Variants in LRPAP1 observed in about 807,000 individuals in gnomAD.
The protein encoded by LRPAP1 is LDL receptor related protein associated protein 1, also known as alpha-2-macroglobulin receptor-associated protein.
In LRPAP1, 41 loss-of-function variants were observed where a neutral mutation model predicts 39.9. That is an observed-to-expected ratio of 1.03 (90% CI 0.80 to 1.33). The LOEUF (loss-of-function observed/expected upper bound fraction) is 1.33. Ranked by LOEUF, LRPAP1 falls within the 40% of genes most tolerant of loss-of-function variation. The pLI is 0.00. For missense variants in LRPAP1, 565 were observed against 482.3 expected, an observed-to-expected ratio of 1.17 and a Z score of -1.61; for synonymous variants, 263 against 212.7, an observed-to-expected ratio of 1.24 and a Z score of -2.06.
chr4:3,523,710 C>CT (rs1188413765), intron 2 of LRPAP1, among the ~76,000 whole-genome samples: 2 of 152,168 alleles, frequency 1.3e-5, no homozygotes, highest in East Asian at 3.8e-4. Context: ...CACCTCCTCT[C>CT]TTTACCAGAG....
At chr4:3,532,079 A>G (rs1262453304) in intron 1 of LRPAP1, 130 bp downstream of exon 1, 6 of 1,038,504 alleles carry the variant, frequency 5.8e-6, no homozygotes, top group African/African-American at 1.6e-5. Flanking sequence ...TGTGCCAAGG[A>G]CAGGGCGCGT....
chr4:3,509,004 C>G lies in LRPAP1; in HGVS notation c.*3970G>C, dbSNP rs1729434795. ...CGAGTCCACAGAAACACCGCCATGG[C>G]CAAGGCGGGAGTTTAGGGCACAGGA... is the stretch of plus-strand genomic sequence containing the variant. On this transcript the variant is annotated 3_prime_UTR_variant, in exon 8 of 8. Transcript: ENST00000650182. 1 of 152,352 alleles carries G rather than the reference C, an allele frequency of 6.6e-6. No homozygotes were observed. Among genetic ancestry groups the G allele is most frequent in the Non-Finnish European group, 1.5e-5 (1 of 68,046 alleles). 9.4% of individuals were successfully genotyped at this position (152,352 alleles called of 1,614,324 possible). A position where few individuals can be genotyped will look rare whatever the true frequency, so the allele number is the denominator to read the frequency against.
chr4:3,532,296 C>T lies in LRPAP1; in HGVS notation c.117G>A (p.Lys39=), dbSNP rs1157036667. 24 of 1,569,878 alleles carry T rather than the reference C, an allele frequency of 1.5e-5. No homozygotes were observed. Among genetic ancestry groups the T allele is most frequent in the Middle Eastern group, 1.7e-4 (1 of 6,006 alleles). ...ASHGGKYSRE[K]NQPKPSPKRE... ...GTTTCGGGGACGGCTTGGGCTGGTT[C>T]TTCTCCCGCGAGTACTTGCCGCCGT... Residue 39 remains lysine (K), a synonymous_variant, in exon 1 of 8, where the codon AAG becomes AAA. Transcript: ENST00000650182.
At chr4:3,530,489 T>C (rs1248185861) in intron 1 of LRPAP1, among the ~76,000 whole-genome samples, 1 of 152,130 alleles carries the variant, frequency 6.6e-6, no homozygotes, top group Non-Finnish European at 1.5e-5. Flanking sequence ...CCCACACAAC[T>C]AGAACTTCAG....
chr4:3,521,542 G>A (rs1194096153), intron 2 of LRPAP1, among the ~76,000 whole-genome samples: 3 of 152,156 alleles, frequency 2.0e-5, no homozygotes, highest in African/African-American at 4.8e-5. Context: ...AAAGCCTCAG[G>A]CCTCCTTTCT....
intron 3 of LRPAP1, among the ~76,000 whole-genome samples, chr4:3,519,335 T>C (rs1729837643): frequency 6.6e-6 from 1 of 152,090 alleles, no homozygotes; most frequent in Non-Finnish European, 1.5e-5. Context: ...CAAGGCCACC[T>C]TCCTAGGGGG....
rs766026463 is a variant in LRPAP1 at position 3,518,139 on chromosome 4, C to G, written c.646G>C (p.Val216Leu). The part of the protein sequence containing the change: ...PSDLSDIKGS[V>L]LHSRHTELKE... The stretch of plus-strand genomic sequence containing the variant: ...AGCTCCGTGTGCCTGCTGTGCAGGA[C>G]GCTGCCCTTGATGTCGCTCAGGTCC... The change falls in exon 5 of 8, where the codon GTC becomes CTC. Residue 216 changes from valine (V) to leucine (L), a missense_variant. By Grantham distance (32) the Val-to-Leu change is conservative. Transcript: ENST00000650182. The G allele has an allele frequency of 2.5e-6, 4 of 1,613,654 alleles. No homozygotes were observed. The highest frequency in any genetic ancestry group is 3.4e-6 in the Non-Finnish European group (4 of 1,179,958).
intron 1 of LRPAP1, among the ~76,000 whole-genome samples, chr4:3,529,871 G>A (rs528355350): frequency 6.6e-6 from 1 of 152,242 alleles, no homozygotes; most frequent in South Asian, 2.1e-4. Flanking sequence ...CAGAAAACAG[G>A]GACACGATGT....
rs766316350 is a variant in LRPAP1 at position 3,514,842 on chromosome 4, G to T, written c.921C>A (p.His307Gln). ...GCTCGCCGTCGCCCACGCTCTCTGC[G>T]TGCCTCAGCTTCTCGTGCGCAATCT... ...QLEIAHEKLR[H>Q]AESVGDGERV... Residue 307 changes from histidine to glutamine, a missense_variant, in exon 7 of 8, where the codon CAC (histidine) becomes CAA (glutamine). By Grantham distance (24) the His-to-Gln change is conservative (BLOSUM62 0). Transcript: ENST00000650182. 2 of 1,613,770 alleles carry T rather than the reference G, an allele frequency of 1.2e-6. No individual in the cohort carries two copies. Among genetic ancestry groups the T allele is most frequent in the Non-Finnish European group, 1.7e-6 (2 of 1,179,918 alleles).
At chr4:3,524,836 CAA>C (rs1730028826) in intron 2 of LRPAP1, 69 bp downstream of exon 2, 1 of 1,557,890 alleles carries the variant, frequency 6.4e-7, no homozygotes, top group South Asian at 1.1e-5. Flanking sequence ...ATCCGACATC[CAA>C]AACACTGCCG....
chr4:3,532,339 G>T lies in LRPAP1; in HGVS notation c.74C>A (p.Pro25His), dbSNP rs1431598044. Residue 25 changes from proline to histidine, a missense_variant, in exon 1 of 8, where the codon CCC (proline) becomes CAC (histidine). By Grantham distance (77) the Pro-to-His change is moderately conservative. Transcript: ENST00000650182. ...GCCGCCGTGGCTCGCAGCGGGCCAG[G>T]GCCCGAGGAAGAGCAGCAGCAGTAG... Reference protein sequence around the residue: ...ALLLLLLFLGPWPAASHGGKY... With the variant: ...ALLLLLLFLGHWPAASHGGKY... 7 of 1,591,834 alleles carry T rather than the reference G, an allele frequency of 4.4e-6. No individual in the cohort carries two copies. Among genetic ancestry groups the T allele is most frequent in the African/African-American group, 1.3e-5 (1 of 74,588 alleles).
At chr4:3,515,023 G>A (rs912980633) in intron 6 of LRPAP1, 95 bp from the exon 7 acceptor site, 16 of 1,402,080 alleles carry the variant, frequency 1.1e-5, no homozygotes, top group Admixed American at 1.8e-5. Flanking sequence ...AAAGGACGGC[G>A]CCATACCCGG....
rs1729305655 is a variant in LRPAP1 at position 3,504,891 on chromosome 4, G to T, written c.*8083C>A. On this transcript the variant is annotated 3_prime_UTR_variant, in exon 8 of 8. Coordinates refer to ENST00000650182, the MANE Select transcript of LRPAP1 (RefSeq NM_002337.4). ...GAACCTGGGAGGCAGAGGTTGCAGT[G>T]AGCCGAGATCGCACCAACGCACTCC... Among the ~76,000 whole-genome samples the T allele has an allele frequency of 6.6e-6, 1 of 152,096 alleles. No individual in the cohort carries two copies. The highest frequency in any genetic ancestry group is 2.4e-5 in the African/African-American group (1 of 41,404).
At position 3,505,844 on chromosome 4, in the gene LRPAP1, G is replaced by A. The variant is rs1001264120; in HGVS notation, c.*7130C>T. ...GGAAGCCATCAAGTTCCTGGGTAGA[G>A]ATGACCTTTCAGATGGATGCTGACC... On this transcript the variant is annotated 3_prime_UTR_variant, in exon 8 of 8. Transcript: ENST00000650182. 6.6e-6 allele frequency among the ~76,000 whole-genome samples: 1 copy of A among 152,232 alleles called. No individual in the cohort carries two copies. The highest frequency in any genetic ancestry group is 1.9e-4 in the East Asian group (1 of 5,194).
intron 7 of LRPAP1, 123 bp from the exon 8 acceptor site, chr4:3,513,159 T>A (rs1729586866): frequency 1.4e-6 from 1 of 691,936 alleles, no homozygotes; most frequent in African/African-American, 1.8e-5. Context: ...CACATCTGAC[T>A]TTCCAATTCC....
intron 1 of LRPAP1, among the ~76,000 whole-genome samples, chr4:3,526,782 G>A (rs1398579098): frequency 6.6e-6 from 1 of 152,192 alleles, no homozygotes; most frequent in Non-Finnish European, 1.5e-5. Flanking sequence ...GTTGGGCCTG[G>A]GAGGAAGGAG....
intron 1 of LRPAP1, among the ~76,000 whole-genome samples, chr4:3,531,138 C>T (rs1184311126): frequency 1.3e-5 from 2 of 152,244 alleles, no homozygotes; most frequent in East Asian, 1.9e-4. Context: ...GTTCTCCCAC[C>T]TCCCACCTCC....
chr4:3,519,954 T>G (rs535288599), intron 3 of LRPAP1, 118 bp downstream of exon 3: 2 of 1,289,278 alleles, frequency 1.6e-6, no homozygotes, highest in South Asian at 1.5e-5. Context: ...ACCGTCTTCC[T>G]GAGACTTTCC....
intron 5 of LRPAP1, chr4:3,517,707 G>A (rs2474787): frequency 0.7 from 158,051 of 225,068 alleles, 56,383 homozygotes; most frequent in East Asian, 0.92. Flanking sequence ...TTTGACGAGT[G>A]GTCTCTGTTC....
Sources: allele counts gnomAD v4.1 joint callset (sites outside exome capture counted in the v4.1 genomes callset), GRCh38; gene constraint gnomAD v4.1.1; transcripts MANE v1.5; gene names NCBI Gene and HGNC (gene_info 2026-07-23, HGNC 2026-07-21).